THADA: variants seen among roughly 807,000 people sequenced by gnomAD.
The protein encoded by THADA is THADA armadillo repeat containing, also known as tRNA (32-2'-O)-methyltransferase regulator THADA.
A neutral mutation model predicts 219.8 loss-of-function variants in THADA; 213 were observed. The ratio of observed to expected loss-of-function variants is 0.97; its 90% CI spans 0.87 to 1.09. The LOEUF (loss-of-function observed/expected upper bound fraction) is 1.09, where lower values mean the gene tolerates loss of function less well. THADA is among the 50% of genes least tolerant of loss of function. The probability of loss-of-function intolerance (pLI) is 0.00; values close to 1 mark genes in which losing one functional copy is unlikely to be tolerated. For missense variants in THADA, 2,956 were observed against 2,311.3 expected (o/e 1.28, Z -5.72); for synonymous variants, 1,018 against 828.9 (o/e 1.23, Z -3.92).
chr2:43,371,359 T>C (rs538279542), intron 29 of THADA, among the ~76,000 whole-genome samples: 1 of 152,340 alleles, frequency 6.6e-6, no homozygotes, highest in African/African-American at 2.4e-5. Context: ...TTTTTACATA[T>C]GTCTAATGAC....
chr2:43,496,479 G>C (rs893603655), intron 25 of THADA, among the ~76,000 whole-genome samples: 2 of 152,028 alleles, frequency 1.3e-5, no homozygotes, highest in Non-Finnish European at 2.9e-5. Flanking sequence ...TCAAACTTTT[G>C]ATAGAGTTTA....
At chr2:43,283,127 T>C (rs984756620) in intron 35 of THADA, among the ~76,000 whole-genome samples, 1 of 152,240 alleles carries the variant, frequency 6.6e-6, no homozygotes, top group Non-Finnish European at 1.5e-5. Context: ...ACTCTCCTGC[T>C]CTGCCATGGG....
rs1698730950 is a variant in THADA, at chr2:43,566,710, G to T, written c.2299C>A (p.His767Asn). The part of the protein sequence containing the change: ...TILGSIAEVF[H>N]VPEGRIYTVY... ...ATTAAACACTTACCTTCTGGGACATGAAAAACTTCAGCTATTGAACCTAAA... is the reference window on the plus strand; with the variant it reads ...ATTAAACACTTACCTTCTGGGACATTAAAAACTTCAGCTATTGAACCTAAA... Residue 767 changes from histidine (H) to asparagine (N), a missense_variant, in exon 15 of 38, where the codon CAT becomes AAT. Physicochemically the swap from His to Asn is moderately conservative, Grantham distance 68. Transcript: ENST00000405975. 2.5e-6 allele frequency: 4 copies of T among 1,604,428 alleles called. No homozygotes were observed. In the African/African-American group the frequency reaches 5.4e-5, roughly 22 times the overall value.
At chr2:43,334,864 C>T (rs1467031054) in intron 30 of THADA, among the ~76,000 whole-genome samples, 1 of 152,154 alleles carries the variant, frequency 6.6e-6, no homozygotes. Context: ...GTATGGATTT[C>T]CCATAGAGAG....
At chr2:43,467,585 C>T (rs1326221277) in intron 26 of THADA, among the ~76,000 whole-genome samples, 2 of 152,076 alleles carry the variant, frequency 1.3e-5, no homozygotes, top group Non-Finnish European at 2.9e-5. Flanking sequence ...TAAACTGGTC[C>T]AAATAATTGG....
intron 22 of THADA, among the ~76,000 whole-genome samples, chr2:43,521,276 C>T (rs1692444690): frequency 6.6e-6 from 1 of 151,968 alleles, no homozygotes; most frequent in African/African-American, 2.4e-5. Flanking sequence ...GTAGGGAGGG[C>T]CGGGCGTGGT....
intron 29 of THADA, among the ~76,000 whole-genome samples, chr2:43,356,488 T>C (rs1004020606): frequency 3.9e-5 from 6 of 152,142 alleles, no homozygotes; most frequent in Admixed American, 6.5e-5. Context: ...CTATGAAGAT[T>C]AAAAAGTAAA....
intron 31 of THADA, 112 bp from the exon 32 acceptor site, chr2:43,293,325 T>A (rs1674971618): frequency 8.1e-7 from 1 of 1,235,326 alleles, no homozygotes; most frequent in Non-Finnish European, 1.1e-6. Context: ...ATGTCTCCCA[T>A]AAGCAGATTT....
chr2:43,556,951 T>C (rs1456745255), intron 16 of THADA, among the ~76,000 whole-genome samples: 1 of 152,102 alleles, frequency 6.6e-6, no homozygotes. Context: ...GGTGTAATGG[T>C]GCACACCTGT....
chr2:43,250,358 G>A (rs1026162195), intron 36 of THADA, among the ~76,000 whole-genome samples: 2 of 152,164 alleles, frequency 1.3e-5, no homozygotes, highest in African/African-American at 2.4e-5. Context: ...GAAAAGTCAC[G>A]GAGACAGAAA....
chr2:43,417,433 C>CA (rs1257333863), intron 28 of THADA, among the ~76,000 whole-genome samples: 1 of 152,102 alleles, frequency 6.6e-6, no homozygotes, highest in Non-Finnish European at 1.5e-5. Flanking sequence ...AAGAAATTCT[C>CA]AGTGTTTCTC....
chr2:43,246,058 T>G (rs1265440144), intron 36 of THADA, among the ~76,000 whole-genome samples: 1 of 149,508 alleles, frequency 6.7e-6, no homozygotes, highest in Admixed American at 6.6e-5. Flanking sequence ...CAGCCTTATC[T>G]AGAATCCAGA....
intron 21 of THADA, among the ~76,000 whole-genome samples, chr2:43,529,248 G>A (rs1693569417): frequency 6.6e-6 from 1 of 151,856 alleles, no homozygotes; most frequent in Non-Finnish European, 1.5e-5. Context: ...GAACTCCTAG[G>A]CTCAAGGAGT....
chr2:43,323,392 T>C (rs776316356), intron 30 of THADA, among the ~76,000 whole-genome samples: 5 of 152,230 alleles, frequency 3.3e-5, no homozygotes, highest in Admixed American at 6.5e-5. Flanking sequence ...CCCTATCTTT[T>C]GTCTCTAGTT....
chr2:43,302,014 G>A (rs1465391358), intron 31 of THADA, among the ~76,000 whole-genome samples: 2 of 151,876 alleles, frequency 1.3e-5, no homozygotes, highest in Admixed American at 1.3e-4. Flanking sequence ...TTCTTTAGCA[G>A]ACTGTAATTT....
At chr2:43,525,518 A>G (rs112385521) in intron 22 of THADA, among the ~76,000 whole-genome samples, 44 of 152,326 alleles carry the variant, frequency 2.9e-4, no homozygotes, top group African/African-American at 1.1e-3. Flanking sequence ...CTGCCATATA[A>G]GAATTTCAAC....
chr2:43,382,337 A>T (rs1003244738), intron 29 of THADA, among the ~76,000 whole-genome samples: 2 of 152,218 alleles, frequency 1.3e-5, no homozygotes, highest in Admixed American at 1.3e-4. Flanking sequence ...GTGTACAGAA[A>T]CTTTCTGTAC....
At chr2:43,239,351 G>A (rs138980510) in intron 36 of THADA, among the ~76,000 whole-genome samples, 61 of 152,280 alleles carry the variant, frequency 4.0e-4, no homozygotes, top group African/African-American at 1.4e-3. Context: ...CACGATGAGC[G>A]CCTCCACCCC....
intron 29 of THADA, among the ~76,000 whole-genome samples, chr2:43,354,321 A>G (rs1668632476): frequency 1.3e-5 from 2 of 152,056 alleles, no homozygotes; most frequent in South Asian, 2.1e-4. Flanking sequence ...ATATTTTGAT[A>G]TAGGCATACG....
Sources: gnomAD v4.1 joint callset for allele counts (sites outside exome capture counted in the v4.1 genomes callset) on GRCh38, gnomAD v4.1.1 for gene constraint, MANE v1.5 for transcripts, NCBI Gene and HGNC (gene_info 2026-07-23, HGNC 2026-07-21) for gene names.